Variants in PTCHD4 observed in about 807,000 individuals in gnomAD.
The protein encoded by PTCHD4 is patched domain containing 4.
In PTCHD4, 33 loss-of-function variants were observed where a neutral mutation model predicts 58.1. The ratio of observed to expected loss-of-function variants is 0.57; its 90% CI spans 0.43 to 0.76. The LOEUF (loss-of-function observed/expected upper bound fraction) is 0.76. PTCHD4 is among the 30% of genes least tolerant of loss of function. The pLI is 0.00. For missense variants in PTCHD4, 1,058 were observed against 1,027.1 expected (o/e 1.03, Z -0.41); for synonymous variants, 478 against 409.6 (o/e 1.17, Z -2.02).
chr6:48,088,945 T>C (rs1765312399), intron 1 of PTCHD4, among the ~76,000 whole-genome samples: 1 of 152,140 alleles, frequency 6.6e-6, no homozygotes. Context: ...CTCAGGAGAC[T>C]GGGGCAAGAG....
intron 3 of PTCHD4, among the ~76,000 whole-genome samples, chr6:48,052,489 A>G (rs758968086): frequency 6.2e-4 from 95 of 152,134 alleles, no homozygotes; most frequent in South Asian, 8.3e-4. Context: ...GGAAATTTAG[A>G]TATAACAGAG....
intron 3 of PTCHD4, among the ~76,000 whole-genome samples, chr6:48,061,286 G>C (rs1276897085): frequency 6.6e-6 from 1 of 152,140 alleles, no homozygotes; most frequent in Non-Finnish European, 1.5e-5. Flanking sequence ...TCAGCTTAAA[G>C]CTTAAACAGG....
chr6:47,908,464 T>G (rs1444887614), intron 4 of PTCHD4, among the ~76,000 whole-genome samples: 2 of 152,214 alleles, frequency 1.3e-5, no homozygotes, highest in Non-Finnish European at 2.9e-5. Flanking sequence ...GAGCTGATTC[T>G]GCTCCACATG....
At chr6:48,097,964 C>T (rs1765508844) in intron 1 of PTCHD4, among the ~76,000 whole-genome samples, 1 of 152,152 alleles carries the variant, frequency 6.6e-6, no homozygotes, top group African/African-American at 2.4e-5. Flanking sequence ...AAAGCAGAGA[C>T]TAGGTCGCTT....
intron 3 of PTCHD4, among the ~76,000 whole-genome samples, chr6:48,062,153 T>C (rs539127636): frequency 6.6e-6 from 1 of 152,100 alleles, no homozygotes; most frequent in Non-Finnish European, 1.5e-5. Context: ...AAATGCAACA[T>C]AAAGATTGCT....
chr6:47,930,356 A>G (rs978707654), intron 4 of PTCHD4, among the ~76,000 whole-genome samples: 7 of 152,234 alleles, frequency 4.6e-5, no homozygotes, highest in Admixed American at 1.3e-4. Flanking sequence ...AGGATCTGAT[A>G]TAAAGTCTGT....
At chr6:48,101,037 A>G (rs1186186063) in intron 1 of PTCHD4, among the ~76,000 whole-genome samples, 1 of 152,070 alleles carries the variant, frequency 6.6e-6, no homozygotes, top group African/African-American at 2.4e-5. Context: ...ATAACATTGG[A>G]TTGAATTTAA....
chr6:47,941,760 GAACT>G (rs2113926058), intron 4 of PTCHD4, among the ~76,000 whole-genome samples: 1 of 152,274 alleles, frequency 6.6e-6, no homozygotes, highest in South Asian at 2.1e-4. Flanking sequence ...GTGGTTTAGT[GAACT>G]AATGTTTGTA....
rs1213473729 is a variant in PTCHD4 at position 48,064,841 on chromosome 6, TA to T, written c.417+3388del. ...AGTGAGAGATATAAAAGAAAGATTA[TA>T]ATGAAGGGAATAATTTCAGAGGTCA... On this transcript the variant is annotated intron_variant, in intron 3 of 4. Transcript: ENST00000339488. 2.0e-5 allele frequency among the ~76,000 whole-genome samples: 3 copies of T among 152,244 alleles called. No individual in the cohort carries two copies. In the East Asian group the frequency reaches 5.8e-4, roughly 29 times the overall value.
rs540001122 is a variant in PTCHD4, at chr6:48,090,224, A to T, written c.-969-20298T>A. ...AATATTAAGTAAATATGCATTCAGA[A>T]ATGCATGCAATTATTATAGTCACTG... On this transcript the variant is annotated intron_variant, in intron 1 of 4. Transcript: ENST00000339488. 2.0e-5 allele frequency among the ~76,000 whole-genome samples: 3 copies of T among 152,324 alleles called. No individual in the cohort carries two copies. In the East Asian group the frequency reaches 5.8e-4, roughly 29 times the overall value.
At chr6:47,904,582 C>A (rs971009232) in intron 4 of PTCHD4, among the ~76,000 whole-genome samples, 19 of 152,182 alleles carry the variant, frequency 1.2e-4, no homozygotes, top group Admixed American at 1.2e-3. Flanking sequence ...GTAAAGCTAT[C>A]TCTTATGTGC....
chr6:48,035,143 T>C (rs948859101), intron 3 of PTCHD4, among the ~76,000 whole-genome samples: 1 of 152,122 alleles, frequency 6.6e-6, no homozygotes, highest in Admixed American at 6.6e-5. Context: ...TAAGGCTCTC[T>C]TTATTTTGCA....
At chr6:48,016,599 A>G (rs1762877204) in intron 3 of PTCHD4, among the ~76,000 whole-genome samples, 1 of 151,930 alleles carries the variant, frequency 6.6e-6, no homozygotes, top group South Asian at 2.1e-4. Flanking sequence ...TCATCTCATC[A>G]CATTATCTCT....
intron 1 of PTCHD4, among the ~76,000 whole-genome samples, chr6:48,072,933 A>T (rs1765001575): frequency 6.6e-6 from 1 of 152,088 alleles, no homozygotes; most frequent in African/African-American, 2.4e-5. Flanking sequence ...TAAGGAAGAA[A>T]AGCATGGTTG....
At chr6:47,948,720 T>A (rs533490447) in intron 4 of PTCHD4, among the ~76,000 whole-genome samples, 9 of 152,256 alleles carry the variant, frequency 5.9e-5, no homozygotes, top group African/African-American at 2.2e-4. Context: ...GCCTATAAGA[T>A]CTTTTAACAT....
chr6:48,001,892 T>G (rs1377299751), intron 4 of PTCHD4, among the ~76,000 whole-genome samples: 1 of 152,094 alleles, frequency 6.6e-6, no homozygotes, highest in East Asian at 1.9e-4. Flanking sequence ...GAATCTACAA[T>G]GAACTCAAAC....
chr6:47,928,714 G>A (rs1178826951), intron 4 of PTCHD4, among the ~76,000 whole-genome samples: 1 of 152,096 alleles, frequency 6.6e-6, no homozygotes, highest in Non-Finnish European at 1.5e-5. Context: ...TTATTTTGTA[G>A]CAATTCCTGT....
chr6:47,906,595 G>A (rs1441325069), intron 4 of PTCHD4, among the ~76,000 whole-genome samples: 1 of 152,150 alleles, frequency 6.6e-6, no homozygotes, highest in Admixed American at 6.5e-5. Flanking sequence ...ACTACATGAT[G>A]TGGGCAGATT....
chr6:47,897,841 A>T lies in PTCHD4; in HGVS notation c.899-17905T>A, dbSNP rs556291688. ...TCTATGTGATGACTAGTGAGAGTAC[A>T]TCTCTAACTTAATAGACATGCCATA... On this transcript the variant is annotated intron_variant, in intron 4 of 4. Transcript: ENST00000339488. 5.9e-5 allele frequency among the ~76,000 whole-genome samples: 9 copies of T among 152,052 alleles called. No individual in the cohort carries two copies. The South Asian group carries it at 1.5e-3, about 25-fold the overall frequency.
Sources: gnomAD v4.1 joint callset for allele counts (sites outside exome capture counted in the v4.1 genomes callset) on GRCh38, gnomAD v4.1.1 for gene constraint, MANE v1.5 for transcripts, NCBI Gene and HGNC (gene_info 2026-07-23, HGNC 2026-07-21) for gene names.